FAT4: variants seen among roughly 807,000 people sequenced by gnomAD.
FAT4 encodes FAT atypical cadherin 4.
FAT4 carries 84 observed loss-of-function variants against 303.9 expected under a neutral mutation model. The ratio of observed to expected loss-of-function variants is 0.28; its 90% confidence interval spans 0.23 to 0.33. The LOEUF is 0.33. Ranked by LOEUF, FAT4 falls within the 10% of genes least tolerant of loss-of-function variation. FAT4 has a pLI of 1.00. For synonymous variants in FAT4, 2,307 were observed against 2,298.8 expected, an observed-to-expected ratio of 1.00 and a Z score of -0.10; for missense variants, 6,005 against 6,146.8, an observed-to-expected ratio of 0.98 and a Z score of 0.77.
intron 16 of FAT4, among the ~76,000 whole-genome samples, chr4:125,482,232 C>A (rs1450461503): frequency 2.0e-5 from 3 of 152,106 alleles, no homozygotes; most frequent in Non-Finnish European, 4.4e-5. Context: ...ATATTCAATT[C>A]TCTATATAAA....
At chr4:125,377,707 G>A (rs1733386724) in intron 2 of FAT4, among the ~76,000 whole-genome samples, 1 of 152,030 alleles carries the variant, frequency 6.6e-6, no homozygotes, top group Non-Finnish European at 1.5e-5. Context: ...TGTTTCTAAA[G>A]TTAAAAGCTG....
At chr4:125,321,615 G>A in intron 2 of FAT4, 29 bp downstream of exon 2, 1 of 1,537,538 alleles carries the variant, frequency 6.5e-7, no homozygotes, top group Non-Finnish European at 8.7e-7. Flanking sequence ...TTTATTATTT[G>A]TTGATTTGCT....
chr4:125,346,166 C>A (rs1426759380), intron 2 of FAT4, among the ~76,000 whole-genome samples: 1 of 151,966 alleles, frequency 6.6e-6, no homozygotes, highest in African/African-American at 2.4e-5. Context: ...GTAGAGCAAC[C>A]TGTATTGAAG....
chr4:125,319,464 T>G lies in FAT4; in HGVS notation c.3053T>G (p.Val1018Gly). 1 of 1,613,590 alleles carries G rather than the reference T, an allele frequency of 6.2e-7. No homozygotes were observed. The highest frequency in any genetic ancestry group is 1.1e-5 in the South Asian group (1 of 91,072). The part of the protein sequence containing the change: ...SEPVNSRFFK[V>G]QASDKDSGAN... ...CCTGTGAATTCTCGATTCTTTAAAG[T>G]ACAAGCTTCTGATAAGGATTCAGGA... The change falls in exon 2 of 18, where the codon GTA becomes GGA. Residue 1018 changes from valine to glycine, a missense_variant. Physicochemically the swap from Val to Gly is moderately radical, Grantham distance 109 (BLOSUM62 -3). Transcript: ENST00000394329.
chr4:125,468,254 A>T (rs1005701295), intron 11 of FAT4, among the ~76,000 whole-genome samples: 1 of 152,198 alleles, frequency 6.6e-6, no homozygotes, highest in Non-Finnish European at 1.5e-5. Flanking sequence ...ATTTTGAGAA[A>T]CAAAACATAC....
At chr4:125,470,772 A>G (rs1039720372) in intron 12 of FAT4, among the ~76,000 whole-genome samples, 1 of 152,220 alleles carries the variant, frequency 6.6e-6, no homozygotes, top group Non-Finnish European at 1.5e-5. Flanking sequence ...CTTTCTCCAT[A>G]TCAGCAATAA....
At chr4:125,382,210 A>C (rs150446487) in intron 2 of FAT4, among the ~76,000 whole-genome samples, 17 of 152,266 alleles carry the variant, frequency 1.1e-4, no homozygotes, top group African/African-American at 3.4e-4. Context: ...AGAATGGTGA[A>C]TTCTTTCCAA....
At position 125,490,970 on chromosome 4, in the gene FAT4, C is replaced by T; in HGVS notation, c.14154C>T (p.Ser4718=). 1 of 1,614,176 alleles carries T rather than the reference C, an allele frequency of 6.2e-7. No individual in the cohort carries two copies. Among genetic ancestry groups the T allele is most frequent in the Non-Finnish European group, 8.5e-7 (1 of 1,180,034 alleles). The change falls in exon 18 of 18, where the codon AGC becomes AGT. Residue 4718 remains serine, a synonymous_variant. Coordinates refer to ENST00000394329, the MANE Select transcript of FAT4 (RefSeq NM_001291303.3). ...AATCTTCTACGTTCTATAGAAACAG[C>T]CCAGCAAGGGAATTGCATCTTCCTA... The part of the protein sequence containing the change: ...FSKSSTFYRN[S]PARELHLPIR...
rs545617520 is a variant in FAT4, at chr4:125,403,541, T to C, written c.5308-3339T>C. On this transcript the variant is annotated intron_variant, in intron 3 of 17. Transcript: ENST00000394329. ...TTCTAATTTAATTTCTGAACGACTC[T>C]TGTGGCTTCAACTGACACCCACATA... 5.9e-4 allele frequency among the ~76,000 whole-genome samples: 90 copies of C among 152,224 alleles called. 1 individual carries two copies. The highest frequency in any genetic ancestry group is 1.0e-3 in the Non-Finnish European group (70 of 68,002).
At chr4:125,443,461 T>C (rs1216581449) in intron 8 of FAT4, among the ~76,000 whole-genome samples, 2 of 152,132 alleles carry the variant, frequency 1.3e-5, no homozygotes, top group Non-Finnish European at 1.5e-5. Context: ...GAAAAGTGCA[T>C]GGTGAAGTCA....
Position 125,416,492 on chromosome 4 carries a change from A to T in FAT4, c.6888A>T (p.Ser2296=), listed in dbSNP as rs1346597295. 6.2e-7 allele frequency: 1 copy of T among 1,613,758 alleles called. No individual in the cohort carries two copies. Among genetic ancestry groups the T allele is most frequent in the East Asian group, 2.2e-5 (1 of 44,880 alleles). ...ATCGAGGATCTAACAGCAAACTCTC[A>T]TATGTTCTGTTTGGTGGTAATGAAG... ...DDDRGSNSKL[S]YVLFGGNEDN... Residue 2296 remains serine, a synonymous_variant, in exon 7 of 18, where the codon TCA becomes TCT. Coordinates refer to ENST00000394329, the MANE Select transcript of FAT4 (RefSeq NM_001291303.3).
Position 125,479,753 on chromosome 4 carries a change from G to A in FAT4, c.12492G>A (p.Leu4164=). The part of the protein sequence containing the change: ...AQGILDQCPR[L]EGACTRSPCQ... ...TGATTTATTTTAGATGCCCTAGGCT[G>A]GAAGGCGCTTGTACTCGCAGCCCAT... Residue 4164 remains leucine, a synonymous_variant, in exon 15 of 18, where the codon CTG becomes CTA. Coordinates refer to ENST00000394329, the MANE Select transcript of FAT4 (RefSeq NM_001291303.3). 1 of 1,593,134 alleles carries A rather than the reference G, an allele frequency of 6.3e-7. No homozygotes were observed. Among genetic ancestry groups the A allele is most frequent in the Non-Finnish European group, 8.6e-7 (1 of 1,165,152 alleles).
intron 2 of FAT4, among the ~76,000 whole-genome samples, chr4:125,328,225 A>G (rs1219075024): frequency 9.2e-5 from 14 of 152,246 alleles, no homozygotes; most frequent in Admixed American, 5.2e-4. Flanking sequence ...TAGGGAATGC[A>G]GACAGGTGAA....
At chr4:125,372,434 G>A (rs959027147) in intron 2 of FAT4, among the ~76,000 whole-genome samples, 3 of 150,242 alleles carry the variant, frequency 2.0e-5, no homozygotes, top group Admixed American at 6.6e-5. Context: ...AAAAAAAATA[G>A]TGAAATCATG....
chr4:125,463,629 A>G lies in FAT4; in HGVS notation c.11867A>G (p.Gln3956Arg), dbSNP rs1459986964. ...CNPCFNGGSC[Q>R]SGVDSYYCHC... ...CCCTGCTTTAATGGTGGTTCCTGCC[A>G]AAGTGGTGTGGATTCTTATTATTGT... is the stretch of plus-strand genomic sequence containing the variant. The change falls in exon 11 of 18, where the codon CAA becomes CGA. Residue 3956 changes from glutamine (Q) to arginine (R), a missense_variant. By Grantham distance (43) the Gln-to-Arg change is conservative. Coordinates refer to ENST00000394329, the MANE Select transcript of FAT4 (RefSeq NM_001291303.3). 8 of 1,600,566 alleles carry G rather than the reference A, an allele frequency of 5.0e-6. No individual in the cohort carries two copies. Among genetic ancestry groups the G allele is most frequent in the Non-Finnish European group, 6.8e-6 (8 of 1,171,798 alleles).
chr4:125,441,233 C>A (rs944448958), intron 8 of FAT4, among the ~76,000 whole-genome samples: 13 of 152,004 alleles, frequency 8.6e-5, no homozygotes, highest in African/African-American at 2.9e-4. Flanking sequence ...AAGTGTAGTA[C>A]CGTATAACAA....
Position 125,415,211 on chromosome 4 carries a change from G to A in FAT4, c.6248G>A (p.Ser2083Asn), listed in dbSNP as rs1029183727. 1 of 1,614,062 alleles carries A rather than the reference G, an allele frequency of 6.2e-7. No individual in the cohort carries two copies. Among genetic ancestry groups the A allele is most frequent in the Non-Finnish European group, 8.5e-7 (1 of 1,179,960 alleles). Reference sequence around the variant, plus strand: ...ACTGACCCAGATAGTGGCCCAAACAGCTATATTGAGTACACTCTGCTGAAC... The same window carrying A: ...ACTGACCCAGATAGTGGCCCAAACAACTATATTGAGTACACTCTGCTGAAC... Reference protein sequence around the residue: ...QATDPDSGPNSYIEYTLLNPL... With the variant: ...QATDPDSGPNNYIEYTLLNPL... Residue 2083 changes from serine (S) to asparagine (N), a missense_variant, in exon 6 of 18, where the codon AGC becomes AAC. By Grantham distance (46) the Ser-to-Asn change is conservative. Coordinates refer to ENST00000394329, the MANE Select transcript of FAT4 (RefSeq NM_001291303.3).
rs1420273324 is a variant in FAT4, at chr4:125,491,873, G to C, written c.*105G>C. On this transcript the variant is annotated 3_prime_UTR_variant, in exon 18 of 18. Coordinates refer to ENST00000394329, the MANE Select transcript of FAT4 (RefSeq NM_001291303.3). ...CACATTTGAAAAACAGGCCAGTATG[G>C]ACTAGTGGTGGAGGGAAAACTTTAA... 2 of 1,156,464 alleles carry C rather than the reference G, an allele frequency of 1.7e-6. No homozygotes were observed. Among genetic ancestry groups the C allele is most frequent in the East Asian group, 5.2e-5 (2 of 38,796 alleles). The allele number at this position is 1,156,464 out of a possible 1,614,324, so 71.6% of individuals were successfully genotyped here. A position where few individuals can be genotyped will look rare whatever the true frequency, so the allele number is the denominator to read the frequency against.
chr4:125,433,559 A>G (rs1725349680), intron 7 of FAT4, among the ~76,000 whole-genome samples: 1 of 152,230 alleles, frequency 6.6e-6, no homozygotes, highest in African/African-American at 2.4e-5. Context: ...TGTTTGGCAA[A>G]TGTTGGGTTT....
Sources: gnomAD v4.1 joint callset for allele counts (sites outside exome capture counted in the v4.1 genomes callset) on GRCh38, gnomAD v4.1.1 for gene constraint, MANE v1.5 for transcripts, NCBI Gene and HGNC (gene_info 2026-07-23, HGNC 2026-07-21) for gene names.